The following POSTN variants were observed in gnomAD, a reference collection of about 807,000 sequenced individuals.
The protein encoded by POSTN is periostin.
A neutral mutation model predicts 104.5 loss-of-function variants in POSTN; 71 were observed. The ratio of observed to expected loss-of-function variants is 0.68; its 90% CI spans 0.56 to 0.83. The LOEUF is 0.83. Among genes scored for constraint, POSTN ranks in the 40% least tolerant of loss-of-function variants. POSTN has a pLI of 0.00. For synonymous variants in POSTN, 355 were observed against 340.7 expected (o/e 1.04, Z -0.46); for missense variants, 949 against 1,006.8 (o/e 0.94, Z 0.78).
At chr13:37,579,722 C>G in intron 12 of POSTN, 139 bp downstream of exon 12, 1 of 978,672 alleles carries the variant, frequency 1.0e-6, no homozygotes, top group South Asian at 1.7e-5. Flanking sequence ...CCCAAGTGGA[C>G]GAAATAAAAG....
chr13:37,572,127 C>T (rs1273437124), intron 17 of POSTN, among the ~76,000 whole-genome samples: 7 of 151,594 alleles, frequency 4.6e-5, no homozygotes, highest in African/African-American at 1.7e-4. Context: ...TTTGCTACCA[C>T]AGAAAATCAT....
chr13:37,568,819 G>T (rs1950183455), intron 21 of POSTN: 1 of 151,890 alleles, frequency 6.6e-6, no homozygotes, highest in South Asian at 2.1e-4. Context: ...AGAAGAAACA[G>T]ATATTCATTC....
At chr13:37,589,636 A>G (rs1950867591) in intron 4 of POSTN, among the ~76,000 whole-genome samples, 1 of 152,186 alleles carries the variant, frequency 6.6e-6, no homozygotes, top group South Asian at 2.1e-4. Flanking sequence ...GATGCGGTGA[A>G]AGACAACCAG....
intron 16 of POSTN, among the ~76,000 whole-genome samples, chr13:37,575,768 C>T (rs1021556832): frequency 6.6e-6 from 1 of 152,066 alleles, no homozygotes; most frequent in African/African-American, 2.4e-5. Context: ...GGTTCTTAGC[C>T]TTCATAGACC....
At chr13:37,593,774 T>A (rs1951009050) in intron 2 of POSTN, among the ~76,000 whole-genome samples, 1 of 151,518 alleles carries the variant, frequency 6.6e-6, no homozygotes, top group South Asian at 2.1e-4. Context: ...GAAGCAAAAA[T>A]TTTAATGATA....
intron 1 of POSTN, among the ~76,000 whole-genome samples, chr13:37,598,234 A>G (rs1951141718): frequency 6.6e-6 from 1 of 152,170 alleles, no homozygotes; most frequent in African/African-American, 2.4e-5. Context: ...TGCTGTTTGC[A>G]TACATATGAT....
intron 16 of POSTN, among the ~76,000 whole-genome samples, chr13:37,575,859 G>A (rs73452556): frequency 0.084 from 12,849 of 152,150 alleles, 665 homozygotes; most frequent in Admixed American, 0.14. Flanking sequence ...TGTGTGTTTA[G>A]GTACTAGTTC....
At chr13:37,586,595 T>C (rs1312331812) in intron 6 of POSTN, among the ~76,000 whole-genome samples, 187 bp downstream of exon 6, 1 of 152,192 alleles carries the variant, frequency 6.6e-6, no homozygotes, top group Non-Finnish European at 1.5e-5. Flanking sequence ...TCTTACTCTA[T>C]CATGTCCACA....
chr13:37,585,031 A>G, intron 7 of POSTN, 103 bp from the exon 8 acceptor site: 2 of 1,474,374 alleles, frequency 1.4e-6, no homozygotes, highest in Non-Finnish European at 1.8e-6. Flanking sequence ...CTTAAAATGT[A>G]GTAAAACCTA....
chr13:37,564,205 T>TATATATATATA (rs1950018231), intron 22 of POSTN, among the ~76,000 whole-genome samples: 1 of 125,072 alleles, frequency 8.0e-6, no homozygotes, highest in Non-Finnish European at 1.6e-5. Context: ...TATATATATA[T>TATATATATATA]ATATATATAT....
chr13:37,591,469 G>A (rs1354565075), intron 3 of POSTN, among the ~76,000 whole-genome samples: 1 of 152,138 alleles, frequency 6.6e-6, no homozygotes, highest in Non-Finnish European at 1.5e-5. Flanking sequence ...GTCTAGGTTT[G>A]TATTCAGAAG....
At position 37,569,061 on chromosome 13, in the gene POSTN, AT is replaced by A. The variant is rs542531711; in HGVS notation, c.2431+238del. ...AATTATCTGAATCAAAGCAAAAAAA[AT>A]ATTCATTGCTCCCCAAACTTTATAC... On this transcript the variant is annotated intron_variant, in intron 21 of 22. Coordinates refer to ENST00000379747, the MANE Select transcript of POSTN (RefSeq NM_006475.3). 4.5e-4 allele frequency: 133 copies of A among 298,088 alleles called. 2 individuals carry two copies. The highest frequency in any genetic ancestry group is 4.2e-3 in the South Asian group (31 of 7,404). The allele number at this position is 298,088 out of a possible 1,614,324, so 18.5% of individuals were successfully genotyped here.
chr13:37,564,562 T>TA lies in POSTN; in HGVS notation c.2432-3dup. 6.3e-7 allele frequency: 1 copy of TA among 1,588,596 alleles called. No individual in the cohort carries two copies. ...CTTGCAACTTCCTCACGGGTGTGTC[T>TA]AAAATTAAATTGTTGTAGTTAGAAA... On this transcript the variant is annotated splice_polypyrimidine_tract_variant and splice_region_variant and intron_variant, in intron 21 of 22. Transcript: ENST00000379747.
In POSTN at chr13:37,597,191, G is replaced by C. The variant is rs1951109718; in HGVS notation, c.211C>G (p.Gln71Glu). The change falls in exon 2 of 23, where the codon CAG becomes GAG. Residue 71 changes from glutamine to glutamate, a missense_variant. Physicochemically the swap from Gln to Glu is conservative, Grantham distance 29. Transcript: ENST00000379747. ...KNWYKKSICG[Q>E]KTTVLYECCP... The stretch of plus-strand genomic sequence containing the variant: ...AAAAAAAAAGAGACTTACGTTTTCT[G>C]TCCACAGATGGACTTTTTATACCAG... 4 of 1,547,086 alleles carry C rather than the reference G, an allele frequency of 2.6e-6. No homozygotes were observed. In the African/African-American group the frequency reaches 5.7e-5, roughly 22 times the overall value.
intron 22 of POSTN, 27 bp downstream of exon 22, chr13:37,564,492 A>G (rs761701662): frequency 1.4e-6 from 2 of 1,405,348 alleles, no homozygotes; most frequent in Non-Finnish European, 2.0e-6. Context: ...GGCCATATAC[A>G]CACATTACTA....
chr13:37,580,544 G>A lies in POSTN; in HGVS notation c.1529+17C>T, dbSNP rs1950550005. The A allele has an allele frequency of 6.2e-7, 1 of 1,613,388 alleles. No individual in the cohort carries two copies. Among genetic ancestry groups the A allele is most frequent in the African/African-American group, 1.3e-5 (1 of 74,996 alleles). ...AATAGCTCTCATTCTCTGTGGAGGT[G>A]CCACTAATAGGCTTACCTAAAGCGC... On this transcript the variant is annotated intron_variant, in intron 11 of 22. Transcript: ENST00000379747.
chr13:37,565,548 G>C (rs1282252385), intron 21 of POSTN: 1 of 151,816 alleles, frequency 6.6e-6, no homozygotes, highest in Non-Finnish European at 1.5e-5. Context: ...AATAGTTTTG[G>C]CTATATGACA....
intron 21 of POSTN, among the ~76,000 whole-genome samples, chr13:37,567,328 A>G (rs1950141343): frequency 6.6e-6 from 1 of 150,982 alleles, no homozygotes. Flanking sequence ...GAACTTATTG[A>G]GTTGAAGAGC....
chr13:37,580,818 C>T, intron 10 of POSTN, 121 bp from the exon 11 acceptor site: 2 of 1,165,072 alleles, frequency 1.7e-6, no homozygotes, highest in Non-Finnish European at 2.5e-6. Flanking sequence ...GTGTCTGAGG[C>T]CACGGGAACA....
Sources: allele counts gnomAD v4.1 joint callset (sites outside exome capture counted in the v4.1 genomes callset), GRCh38; gene constraint gnomAD v4.1.1; transcripts MANE v1.5; gene names NCBI Gene and HGNC (gene_info 2026-07-23, HGNC 2026-07-21).